CTNNA3: variants seen among roughly 807,000 people sequenced by gnomAD.
CTNNA3 encodes the protein catenin alpha-3.
A neutral mutation model predicts 95.7 loss-of-function variants in CTNNA3; 76 were observed. The ratio of observed to expected loss-of-function variants is 0.79; its 90% CI spans 0.66 to 0.96. The LOEUF is 0.96. Ranked by LOEUF, CTNNA3 falls within the 40% of genes least tolerant of loss-of-function variation. The pLI, the probability that CTNNA3 is intolerant of heterozygous loss-of-function variation, is 0.00. For synonymous variants in CTNNA3, 431 were observed against 374.4 expected, an observed-to-expected ratio of 1.15 and a Z score of -1.74; for missense variants, 1,191 against 1,089.8, an observed-to-expected ratio of 1.09 and a Z score of -1.31.
chr10:67,375,474 G>A (rs1233605431), intron 5 of CTNNA3, among the ~76,000 whole-genome samples: 5 of 152,178 alleles, frequency 3.3e-5, no homozygotes, highest in South Asian at 2.1e-4. Context: ...CTAGCTGGGC[G>A]TGATGGCATG....
At chr10:66,504,722 T>C (rs77579962) in intron 11 of CTNNA3, among the ~76,000 whole-genome samples, 3 of 152,306 alleles carry the variant, frequency 2.0e-5, no homozygotes, top group Non-Finnish European at 4.4e-5. Context: ...AGAGTTGAGA[T>C]ACACCCCTAA....
intron 10 of CTNNA3, among the ~76,000 whole-genome samples, chr10:66,547,873 A>G (rs1477791086): frequency 6.6e-6 from 1 of 151,734 alleles, no homozygotes; most frequent in Non-Finnish European, 1.5e-5. Flanking sequence ...TTTTCTGCAT[A>G]CAGGTCTTGC....
intron 10 of CTNNA3, among the ~76,000 whole-genome samples, chr10:66,548,105 T>C (rs552619946): frequency 5.9e-5 from 9 of 151,984 alleles, no homozygotes; most frequent in Non-Finnish European, 1.3e-4. Context: ...TTAGTAGAGA[T>C]GGGGTTTCTC....
chr10:67,182,746 C>A (rs539288629), intron 6 of CTNNA3, among the ~76,000 whole-genome samples: 1 of 152,148 alleles, frequency 6.6e-6, no homozygotes. Context: ...TCAGAGTGAA[C>A]AGGCAACCTA....
At chr10:67,435,896 G>T (rs964796779) in intron 5 of CTNNA3, among the ~76,000 whole-genome samples, 1 of 151,978 alleles carries the variant, frequency 6.6e-6, no homozygotes, top group South Asian at 2.1e-4. Context: ...TGACCATACT[G>T]CCAAAGACAA....
At chr10:67,220,971 C>T (rs1274829698) in intron 5 of CTNNA3, among the ~76,000 whole-genome samples, 1 of 152,076 alleles carries the variant, frequency 6.6e-6, no homozygotes, top group Non-Finnish European at 1.5e-5. Context: ...CTAAATGACA[C>T]CTGGGCAGTA....
intron 9 of CTNNA3, among the ~76,000 whole-genome samples, chr10:66,649,005 C>T (rs143112077): frequency 9.9e-4 from 150 of 152,036 alleles, no homozygotes; most frequent in Non-Finnish European, 1.4e-3. Flanking sequence ...TTTAAAGGAA[C>T]GCTAACATAG....
chr10:67,237,426 G>C (rs1865536660), intron 5 of CTNNA3, among the ~76,000 whole-genome samples: 1 of 151,226 alleles, frequency 6.6e-6, no homozygotes, highest in African/African-American at 2.4e-5. Context: ...CTATAAATAT[G>C]GCGCAGTGTA....
chr10:67,538,884 T>C (rs375856609), intron 4 of CTNNA3, among the ~76,000 whole-genome samples: 3 of 152,182 alleles, frequency 2.0e-5, no homozygotes, highest in Non-Finnish European at 4.4e-5. Flanking sequence ...TTTAATAAAA[T>C]TCTCTCTCTA....
intron 1 of CTNNA3, among the ~76,000 whole-genome samples, chr10:67,682,704 A>T (rs1308093734): frequency 1.3e-5 from 2 of 152,252 alleles, no homozygotes; most frequent in African/African-American, 4.8e-5. Flanking sequence ...ATTCCCATTG[A>T]TACAGCAATT....
intron 5 of CTNNA3, among the ~76,000 whole-genome samples, chr10:67,252,431 T>C (rs1378728201): frequency 2.6e-5 from 4 of 152,146 alleles, no homozygotes; most frequent in Non-Finnish European, 5.9e-5. Flanking sequence ...TACATACCTA[T>C]GATAAATTTT....
intron 6 of CTNNA3, among the ~76,000 whole-genome samples, chr10:67,214,165 C>T (rs953100475): frequency 1.3e-5 from 2 of 151,600 alleles, no homozygotes; most frequent in African/African-American, 4.8e-5. Context: ...ATTATGTTTT[C>T]TACTGTGTGT....
At chr10:67,213,643 T>A (rs1455498830) in intron 6 of CTNNA3, among the ~76,000 whole-genome samples, 1 of 151,820 alleles carries the variant, frequency 6.6e-6, no homozygotes, top group African/African-American at 2.4e-5. Flanking sequence ...TTATACATTA[T>A]CATTATTTCT....
At chr10:66,458,935 C>T (rs2093511458) in intron 11 of CTNNA3, among the ~76,000 whole-genome samples, 1 of 152,126 alleles carries the variant, frequency 6.6e-6, no homozygotes. Context: ...ATTTTGCTCA[C>T]ACAGTTGGCC....
chr10:67,666,789 C>T (rs887180201), intron 1 of CTNNA3, among the ~76,000 whole-genome samples: 4 of 152,030 alleles, frequency 2.6e-5, no homozygotes, highest in Non-Finnish European at 5.9e-5. Flanking sequence ...ACTTTTAGAG[C>T]CCAGATTAAT....
At chr10:67,412,444 G>A (rs1336315541) in intron 5 of CTNNA3, among the ~76,000 whole-genome samples, 1 of 152,032 alleles carries the variant, frequency 6.6e-6, no homozygotes, top group Admixed American at 6.6e-5. Context: ...TGAGGACACA[G>A]GCATGAAAAC....
At chr10:66,830,338 A>C (rs1302305270) in intron 7 of CTNNA3, among the ~76,000 whole-genome samples, 2 of 152,224 alleles carry the variant, frequency 1.3e-5, no homozygotes, top group South Asian at 2.1e-4. Context: ...AAGATATTTA[A>C]AATGCAAACA....
chr10:67,170,835 C>T (rs759608858), intron 7 of CTNNA3, among the ~76,000 whole-genome samples: 1 of 152,152 alleles, frequency 6.6e-6, no homozygotes, highest in Admixed American at 6.5e-5. Flanking sequence ...ATGCTGTCTA[C>T]CATGGCAGCC....
chr10:66,023,320 A>G (rs2079261565), intron 15 of CTNNA3, among the ~76,000 whole-genome samples: 2 of 152,332 alleles, frequency 1.3e-5, no homozygotes, highest in Admixed American at 1.3e-4. Flanking sequence ...TTTAGTAAAC[A>G]TTTTTGGAAA....
Sources: allele counts gnomAD v4.1 joint callset (sites outside exome capture counted in the v4.1 genomes callset), GRCh38; gene constraint gnomAD v4.1.1; transcripts MANE v1.5; gene names NCBI Gene and HGNC (gene_info 2026-07-23, HGNC 2026-07-21).